The following SNTG2 variants were observed in gnomAD, a reference collection of about 807,000 sequenced individuals.
SNTG2 encodes syntrophin gamma 2, also known as gamma-2-syntrophin.
In SNTG2, 74 loss-of-function variants were observed where a neutral mutation model predicts 70.9. The ratio of observed to expected loss-of-function variants is 1.04; its 90% CI spans 0.86 to 1.27. The LOEUF is 1.27. Among genes scored for constraint, SNTG2 ranks in the 50% most tolerant of loss-of-function variants. SNTG2 has a pLI of 0.00. For synonymous variants in SNTG2, 278 were observed against 273.8 expected (o/e 1.02, Z -0.15); for missense variants, 717 against 690.7 (o/e 1.04, Z -0.43).
At chr2:1,010,590 A>G (rs534658584) in intron 1 of SNTG2, among the ~76,000 whole-genome samples, 5 of 152,244 alleles carry the variant, frequency 3.3e-5, no homozygotes, top group Non-Finnish European at 5.9e-5. Flanking sequence ...CTTGCAAAAC[A>G]CACATTGCAA....
chr2:1,315,321 C>T (rs568578232), intron 15 of SNTG2, among the ~76,000 whole-genome samples: 18 of 152,260 alleles, frequency 1.2e-4, no homozygotes, highest in Admixed American at 8.5e-4. Context: ...AGCGTGTGGG[C>T]GGGAAATAAA....
chr2:976,666 GTGT>G (rs1660915653), intron 1 of SNTG2, among the ~76,000 whole-genome samples: 1 of 152,190 alleles, frequency 6.6e-6, no homozygotes, highest in Non-Finnish European at 1.5e-5. Context: ...TCAGTGATGA[GTGT>G]TGTTCAGTAA....
intron 13 of SNTG2, among the ~76,000 whole-genome samples, chr2:1,265,967 G>C (rs1205206566): frequency 6.6e-6 from 1 of 152,198 alleles, no homozygotes; most frequent in Non-Finnish European, 1.5e-5. Flanking sequence ...TCCCAGGAAG[G>C]TGTCTGGTGG....
chr2:1,142,159 A>C (rs1572549106), intron 6 of SNTG2, among the ~76,000 whole-genome samples: 1 of 152,180 alleles, frequency 6.6e-6, no homozygotes, highest in African/African-American at 2.4e-5. Flanking sequence ...TCCAGTCTCT[A>C]TCCACCTGAC....
At chr2:1,161,282 G>A (rs1670254944) in intron 6 of SNTG2, 2 of 152,166 alleles carry the variant, frequency 1.3e-5, no homozygotes, top group Admixed American at 6.5e-5. Flanking sequence ...AAAAAAGAGA[G>A]CGCATCTAGA....
chr2:1,203,671 A>ATATATATAT (rs1553355231), intron 8 of SNTG2, among the ~76,000 whole-genome samples: 21 of 67,098 alleles, frequency 3.1e-4, no homozygotes, highest in African/African-American at 1.0e-3. Flanking sequence ...AACAAAAAAA[A>ATATATATAT]AAATATATAT....
chr2:1,100,286 C>T (rs2148218289), intron 4 of SNTG2, among the ~76,000 whole-genome samples: 1 of 152,224 alleles, frequency 6.6e-6, no homozygotes. Context: ...TCTGCCTCAG[C>T]CTCCCGAGTG....
intron 9 of SNTG2, among the ~76,000 whole-genome samples, chr2:1,230,069 C>T (rs1256392668): frequency 6.6e-6 from 1 of 152,210 alleles, no homozygotes; most frequent in Non-Finnish European, 1.5e-5. Context: ...CTGAAGGGCT[C>T]CTCAAGTGCT....
intron 14 of SNTG2, among the ~76,000 whole-genome samples, chr2:1,281,803 C>G (rs1247335616): frequency 6.6e-6 from 1 of 152,108 alleles, no homozygotes; most frequent in Non-Finnish European, 1.5e-5. Flanking sequence ...CTTGCCCTGC[C>G]TGAACATTTG....
At chr2:1,279,256 G>C (rs566303746) in intron 14 of SNTG2, among the ~76,000 whole-genome samples, 1 of 152,194 alleles carries the variant, frequency 6.6e-6, no homozygotes, top group East Asian at 1.9e-4. Context: ...CACTCTTATC[G>C]GATGTAGTCA....
At chr2:1,241,534 C>A (rs1188000563) in intron 11 of SNTG2, among the ~76,000 whole-genome samples, 1 of 143,442 alleles carries the variant, frequency 7.0e-6, no homozygotes, top group Non-Finnish European at 1.5e-5. Context: ...AGGTTAGTTA[C>A]ATATGTATAC....
chr2:986,065 A>AAG (rs1491475263), intron 1 of SNTG2, among the ~76,000 whole-genome samples: 1 of 62,804 alleles, frequency 1.6e-5, no homozygotes, highest in African/African-American at 5.6e-5. Flanking sequence ...CCCTGCAAAT[A>AAG]ATAGAGAGAG....
rs866012845 is a variant in SNTG2 at position 1,156,128 on chromosome 2, G to A, written c.412-9420G>A. Among the ~76,000 whole-genome samples, 75 of 152,318 alleles carry A rather than the reference G, an allele frequency of 4.9e-4. 1 individual carries two copies. The Middle Eastern group carries it at 0.024, about 48-fold the overall frequency. ...ACAGAGAAATGGCACAGGGCCGCCC[G>A]TGGATGTTGCACTAAGGAAGGGTTT... is the stretch of plus-strand genomic sequence containing the variant. On this transcript the variant is annotated intron_variant, in intron 6 of 16. Coordinates refer to ENST00000308624, the MANE Select transcript of SNTG2 (RefSeq NM_018968.4).
chr2:1,143,956 CAG>C (rs5828809), intron 6 of SNTG2, among the ~76,000 whole-genome samples: 55,710 of 149,748 alleles, frequency 0.37, 11,105 homozygotes, highest in East Asian at 0.82. Context: ...GGAAAAAAAA[CAG>C]AAATTTATTG....
intron 8 of SNTG2, among the ~76,000 whole-genome samples, chr2:1,174,529 A>G (rs1385447846): frequency 6.6e-6 from 1 of 152,212 alleles, no homozygotes; most frequent in African/African-American, 2.4e-5. Flanking sequence ...AAAGATACTT[A>G]TAAATGTCTC....
intron 1 of SNTG2, among the ~76,000 whole-genome samples, chr2:1,079,500 A>G (rs1254495844): frequency 3.9e-5 from 6 of 152,254 alleles, no homozygotes; most frequent in African/African-American, 1.2e-4. Flanking sequence ...GGTTTATTTC[A>G]GATGGCATCA....
intron 4 of SNTG2, among the ~76,000 whole-genome samples, chr2:1,111,482 T>A (rs1166749077): frequency 6.6e-6 from 1 of 152,204 alleles, no homozygotes; most frequent in Non-Finnish European, 1.5e-5. Context: ...AGAAAGTGCC[T>A]GAAGAACAAA....
At chr2:1,081,230 C>T (rs542743100) in intron 1 of SNTG2, among the ~76,000 whole-genome samples, 22 of 152,326 alleles carry the variant, frequency 1.4e-4, no homozygotes, top group African/African-American at 5.3e-4. Context: ...CTGTGTGCAG[C>T]GGAGTGGGGG....
chr2:1,040,343 C>T (rs1226665735), intron 1 of SNTG2, among the ~76,000 whole-genome samples: 1 of 152,208 alleles, frequency 6.6e-6, no homozygotes, highest in Non-Finnish European at 1.5e-5. Context: ...CCCTCACCTG[C>T]TCGCCTCCCT....
Sources: allele counts gnomAD v4.1 joint callset (sites outside exome capture counted in the v4.1 genomes callset), GRCh38; gene constraint gnomAD v4.1.1; transcripts MANE v1.5; gene names NCBI Gene and HGNC (gene_info 2026-07-23, HGNC 2026-07-21).